Variants in TBC1D1 observed in about 807,000 individuals in gnomAD.
TBC1D1 encodes the protein TBC1 domain family member 1.
A neutral mutation model predicts 125.6 loss-of-function variants in TBC1D1; 89 were observed. That is an observed-to-expected ratio of 0.71 (90% CI 0.60 to 0.85). TBC1D1 has a LOEUF of 0.85. Among genes scored for constraint, TBC1D1 ranks in the 40% least tolerant of loss-of-function variants. The probability of loss-of-function intolerance (pLI) is 0.00; values close to 1 mark genes in which losing one functional copy is unlikely to be tolerated. For missense variants in TBC1D1, 1,377 were observed against 1,469.2 expected, an observed-to-expected ratio of 0.94 and a Z score of 1.03; for synonymous variants, 565 against 564.1, an observed-to-expected ratio of 1.00 and a Z score of -0.02.
chr4:37,947,084 C>T (rs372210698), intron 2 of TBC1D1, among the ~76,000 whole-genome samples: 27 of 152,290 alleles, frequency 1.8e-4, no homozygotes, highest in East Asian at 1.5e-3. Flanking sequence ...AGCAAAACAA[C>T]GCAGACATCT....
In TBC1D1 at chr4:37,995,927, A is replaced by G. The variant is rs1737707564; in HGVS notation, c.418-18582A>G. The G allele has an allele frequency of 1.7e-6, 1 of 579,418 alleles. No homozygotes were observed. The highest frequency in any genetic ancestry group is 3.4e-6 in the Non-Finnish European group (1 of 294,298). The allele number at this position is 579,418 out of a possible 1,614,324, so 35.9% of individuals were successfully genotyped here. ...GCAGCGACAGGACCTTCTCATTCCCAGGGAGAAATCCACACTCAAGGACTT... is the reference window on the plus strand; with the variant it reads ...GCAGCGACAGGACCTTCTCATTCCCGGGGAGAAATCCACACTCAAGGACTT... On this transcript the variant is annotated intron_variant, in intron 2 of 19. Transcript: ENST00000261439. The surrounding 1 kb of genome is among the most constrained non-coding windows in gnomAD (Gnocchi z 4.3).
intron 18 of TBC1D1, among the ~76,000 whole-genome samples, chr4:38,128,423 C>A (rs946722445): frequency 6.6e-6 from 1 of 152,124 alleles, no homozygotes; most frequent in Admixed American, 6.5e-5. Context: ...CCTTAGAGAT[C>A]CCCCAGGCCC....
intron 12 of TBC1D1, among the ~76,000 whole-genome samples, chr4:38,072,229 G>A (rs900470386): frequency 1.1e-4 from 16 of 152,356 alleles, no homozygotes; most frequent in African/African-American, 3.8e-4. Context: ...GTATGACAGA[G>A]AGGCAGGGTT....
At chr4:38,028,791 G>C (rs997572912) in intron 7 of TBC1D1, among the ~76,000 whole-genome samples, 6 of 152,174 alleles carry the variant, frequency 3.9e-5, no homozygotes, top group African/African-American at 1.4e-4. Flanking sequence ...TTCCCGCTTA[G>C]GATTTCAGAC....
chr4:37,960,475 C>T, intron 2 of TBC1D1: 1 of 1,613,906 alleles, frequency 6.2e-7, no homozygotes, highest in South Asian at 1.1e-5. Flanking sequence ...ATTGGAGAAC[C>T]AGGCACCCGT....
intron 15 of TBC1D1, among the ~76,000 whole-genome samples, chr4:38,103,540 A>G (rs933822): frequency 0.77 from 116,994 of 152,122 alleles, 45,564 homozygotes; most frequent in African/African-American, 0.88. Context: ...CCACTCCCTC[A>G]TTTTTACTGC....
intron 5 of TBC1D1, 74 bp downstream of exon 5, chr4:38,020,769 C>A: frequency 7.6e-7 from 1 of 1,317,226 alleles, no homozygotes; most frequent in South Asian, 1.2e-5. Flanking sequence ...TTTTTCTGTC[C>A]TTAGGGAAAA....
chr4:38,012,303 G>A (rs1027632963), intron 2 of TBC1D1, among the ~76,000 whole-genome samples: 82 of 151,796 alleles, frequency 5.4e-4, no homozygotes, highest in Non-Finnish European at 2.4e-4. Flanking sequence ...TTTTTGTTTT[G>A]AGACAAGGTC....
At chr4:37,997,067 C>T (rs549208325) in intron 2 of TBC1D1, among the ~76,000 whole-genome samples, 14 of 152,354 alleles carry the variant, frequency 9.2e-5, no homozygotes, top group Non-Finnish European at 1.6e-4. Context: ...ACTGTGTCCA[C>T]ATATGTAATA....
At chr4:37,902,877 G>GATTC (rs1281351945) in intron 2 of TBC1D1, among the ~76,000 whole-genome samples, 1 of 152,210 alleles carries the variant, frequency 6.6e-6, no homozygotes, top group Non-Finnish European at 1.5e-5. Flanking sequence ...TGTGAATCTT[G>GATTC]ATTCAGTAGG....
rs140646760 is a variant in TBC1D1 at position 38,050,254 on chromosome 4, G to A, written c.1910+356G>A. 1.3e-4 allele frequency among the ~76,000 whole-genome samples: 20 copies of A among 152,336 alleles called. No homozygotes were observed. In the East Asian group the frequency reaches 3.9e-3, roughly 29 times the overall value. On this transcript the variant is annotated intron_variant, in intron 11 of 19. Transcript: ENST00000261439. ...GAAGCCCTGGAGCAGGGTTATAATG[G>A]GAGGGAGAGGCGCTGATCCTTACAG...
intron 2 of TBC1D1, among the ~76,000 whole-genome samples, chr4:37,983,632 A>G (rs149834399): frequency 6.6e-6 from 1 of 152,336 alleles, no homozygotes; most frequent in East Asian, 1.9e-4. Flanking sequence ...TTTTCATAGT[A>G]AACTCACAGA....
chr4:37,986,269 A>G (rs543199598), intron 2 of TBC1D1, among the ~76,000 whole-genome samples: 41 of 152,324 alleles, frequency 2.7e-4, no homozygotes, highest in African/African-American at 9.1e-4. Context: ...CTTGATTTGA[A>G]CAAGATCACA....
At chr4:37,999,525 G>A (rs1205736483) in intron 2 of TBC1D1, among the ~76,000 whole-genome samples, 7 of 152,148 alleles carry the variant, frequency 4.6e-5, no homozygotes, top group Non-Finnish European at 7.3e-5. Context: ...CCCCCAGCGC[G>A]TGGTGTAGGG....
chr4:37,928,923 G>T (rs1457393340), intron 2 of TBC1D1, among the ~76,000 whole-genome samples: 2 of 152,126 alleles, frequency 1.3e-5, no homozygotes, highest in East Asian at 3.8e-4. Flanking sequence ...AAAATTCTCG[G>T]CAGTGCTGAA....
chr4:37,952,659 G>GA (rs1175958141), intron 2 of TBC1D1: 5 of 153,850 alleles, frequency 3.2e-5, no homozygotes, highest in African/African-American at 1.2e-4. Context: ...AGAGCATTAG[G>GA]AAAAACAGCT....
chr4:38,087,885 C>T (rs1757798899), intron 12 of TBC1D1, among the ~76,000 whole-genome samples: 2 of 147,552 alleles, frequency 1.4e-5, no homozygotes, highest in Non-Finnish European at 1.5e-5. Context: ...AAAGAATATC[C>T]AGGTCAACCC....
chr4:37,920,686 G>C (rs2925957), intron 2 of TBC1D1, among the ~76,000 whole-genome samples: 61,445 of 151,858 alleles, frequency 0.4, 12,937 homozygotes, highest in African/African-American at 0.51. Flanking sequence ...TTAATATCCC[G>C]GGAGCAAGGA....
chr4:37,907,783 T>C (rs1402272419), intron 2 of TBC1D1, among the ~76,000 whole-genome samples: 1 of 152,104 alleles, frequency 6.6e-6, no homozygotes, highest in Non-Finnish European at 1.5e-5. Context: ...AGAAACATTC[T>C]CAAGTCTAAG....
Sources: gnomAD v4.1 joint callset for allele counts (sites outside exome capture counted in the v4.1 genomes callset) on GRCh38, gnomAD v4.1.1 for gene constraint, Gnocchi (gnomAD v3.1) non-coding constraint, MANE v1.5 for transcripts, NCBI Gene and HGNC (gene_info 2026-07-23, HGNC 2026-07-21) for gene names.